TERB1: variants seen among roughly 807,000 people sequenced by gnomAD.
TERB1 encodes the protein telomere repeats-binding bouquet formation protein 1.
A neutral mutation model predicts 92.3 loss-of-function variants in TERB1; 63 were observed. The ratio of observed to expected loss-of-function variants is 0.68; its 90% CI spans 0.56 to 0.84. The LOEUF is 0.84. Among genes scored for constraint, TERB1 ranks in the 40% least tolerant of loss-of-function variants. The pLI is 0.00. For missense variants in TERB1, 709 were observed against 843.7 expected (o/e 0.84, Z 1.98); for synonymous variants, 252 against 283.9 (o/e 0.89, Z 1.13).
chr16:66,769,122 A>G (rs1165103094), intron 14 of TERB1, among the ~76,000 whole-genome samples: 1 of 151,796 alleles, frequency 6.6e-6, no homozygotes, highest in Non-Finnish European at 1.5e-5. Context: ...AAAGAAAAAG[A>G]AAAAGAAAAA....
At chr16:66,765,935 A>G (rs1275005416) in intron 16 of TERB1, among the ~76,000 whole-genome samples, 1 of 122,082 alleles carries the variant, frequency 8.2e-6, no homozygotes, top group Non-Finnish European at 1.6e-5. Flanking sequence ...GCAGTGGCGC[A>G]ATCTCGGCTC....
At chr16:66,774,635 T>A (rs2018513754) in intron 12 of TERB1, among the ~76,000 whole-genome samples, 1 of 151,934 alleles carries the variant, frequency 6.6e-6, no homozygotes, top group Non-Finnish European at 1.5e-5. Context: ...GGTTTGTATA[T>A]GCTGAATATA....
chr16:66,758,060 T>C (rs530751065), intron 18 of TERB1, among the ~76,000 whole-genome samples: 2 of 152,318 alleles, frequency 1.3e-5, no homozygotes, highest in Non-Finnish European at 2.9e-5. Flanking sequence ...AAAATAGAAA[T>C]GTGAGGATAG....
rs374073855 is a variant in TERB1, at chr16:66,786,240, A to T, written c.446T>A (p.Leu149Gln). The T allele has an allele frequency of 3.9e-6, 6 of 1,549,788 alleles. No individual in the cohort carries two copies. In the East Asian group the frequency reaches 9.8e-5, roughly 25 times the overall value. ...LVRETGCITV[L>Q]SRLFRTVISK... ...ATTTGTTTACCTGAATAACCGTGAC[A>T]GAACTGTAATACAACCTGTTTCTCT... Residue 149 changes from leucine to glutamine, a missense_variant, in exon 7 of 19, where the codon CTG (leucine) becomes CAG (glutamine). Leu to Gln is a moderately radical substitution (Grantham distance 113). Coordinates refer to ENST00000433154, the MANE Select transcript of TERB1 (RefSeq NM_001136505.2).
chr16:66,769,607 T>C (rs2018409158), intron 14 of TERB1, among the ~76,000 whole-genome samples: 1 of 152,232 alleles, frequency 6.6e-6, no homozygotes, highest in Admixed American at 6.5e-5. Flanking sequence ...TACTGCTGAT[T>C]ATCAATGCAC....
intron 16 of TERB1, among the ~76,000 whole-genome samples, chr16:66,759,569 G>T (rs1018231129): frequency 6.6e-6 from 1 of 152,100 alleles, no homozygotes; most frequent in Non-Finnish European, 1.5e-5. Context: ...GGAGGCCAAG[G>T]TGGGTGGATC....
chr16:66,778,951 C>T lies in TERB1; in HGVS notation c.765G>A (p.Gln255=), dbSNP rs2145170340. The T allele has an allele frequency of 6.5e-7, 1 of 1,536,510 alleles. No individual in the cohort carries two copies. The highest frequency in any genetic ancestry group is 8.8e-7 in the Non-Finnish European group (1 of 1,134,906). ...GAGTCTCATGTGAATCAGATTCCAGCTGCATGAGAACTTGAGACAATACAT... is the reference window on the plus strand; with the variant it reads ...GAGTCTCATGTGAATCAGATTCCAGTTGCATGAGAACTTGAGACAATACAT... The part of the protein sequence containing the change: ...GLDVLSQVLM[Q]LESDSHETLS... The change falls in exon 10 of 19, where the codon CAG becomes CAA. Residue 255 remains glutamine, a synonymous_variant. Coordinates refer to ENST00000433154, the MANE Select transcript of TERB1 (RefSeq NM_001136505.2).
chr16:66,772,168 A>G (rs2018463900), intron 13 of TERB1, among the ~76,000 whole-genome samples: 1 of 152,152 alleles, frequency 6.6e-6, no homozygotes. Context: ...AAAATTTTTT[A>G]CCCTCCAACC....
At chr16:66,772,971 C>A (rs919197244) in intron 12 of TERB1, among the ~76,000 whole-genome samples, 5 of 152,068 alleles carry the variant, frequency 3.3e-5, no homozygotes, top group African/African-American at 9.7e-5. Flanking sequence ...GGAGAAAAAA[C>A]ATGCAAATAT....
chr16:66,780,617 G>A (rs1217245728), intron 9 of TERB1, among the ~76,000 whole-genome samples: 1 of 151,586 alleles, frequency 6.6e-6, no homozygotes, highest in African/African-American at 2.4e-5. Flanking sequence ...GAAAATGGCA[G>A]TGTGTTACCA....
chr16:66,791,702 G>A (rs2018837636), intron 3 of TERB1, among the ~76,000 whole-genome samples: 1 of 152,056 alleles, frequency 6.6e-6, no homozygotes, highest in Non-Finnish European at 1.5e-5. Context: ...CCTACAGATT[G>A]AACAACTTAG....
chr16:66,769,396 G>A (rs577822386), intron 14 of TERB1, among the ~76,000 whole-genome samples: 2 of 152,210 alleles, frequency 1.3e-5, no homozygotes, highest in South Asian at 4.2e-4. Context: ...CCCAAGTACA[G>A]TAACCAACAG....
At chr16:66,769,103 CAAA>C (rs371537754) in intron 14 of TERB1, among the ~76,000 whole-genome samples, 1 of 130,140 alleles carries the variant, frequency 7.7e-6, no homozygotes. Context: ...GAAACTTTCT[CAAA>C]AAAAAAAAGA....
chr16:66,790,072 GT>G (rs1296793712), intron 5 of TERB1, among the ~76,000 whole-genome samples: 3 of 152,058 alleles, frequency 2.0e-5, no homozygotes, highest in African/African-American at 7.2e-5. Context: ...CAAAACAATG[GT>G]TTATATTCAT....
intron 18 of TERB1, among the ~76,000 whole-genome samples, chr16:66,757,511 A>C (rs913625270): frequency 6.6e-6 from 1 of 152,208 alleles, no homozygotes; most frequent in Non-Finnish European, 1.5e-5. Context: ...TTTTCTAACA[A>C]TTACTATAGA....
chr16:66,791,926 C>A (rs920758316), intron 3 of TERB1, among the ~76,000 whole-genome samples: 4 of 152,050 alleles, frequency 2.6e-5, no homozygotes, highest in Admixed American at 2.6e-4. Flanking sequence ...AGGAATACTT[C>A]CCAACTTATT....
In TERB1 at chr16:66,772,630, T is replaced by C; in HGVS notation, c.1231A>G (p.Ile411Val). ...LEEHWRKAKE[I>V]LHRIEQLERE... ...TCAAGCTGTTCTATTCTGTGTAGAA[T>C]TTCCTTTGCTTTCCTCCAGTGCTCT... Residue 411 changes from isoleucine (I) to valine (V), a missense_variant, in exon 13 of 19, where the codon ATT becomes GTT. Physicochemically the swap from Ile to Val is conservative, Grantham distance 29. Transcript: ENST00000433154. The C allele has an allele frequency of 6.4e-7, 1 of 1,551,652 alleles. No homozygotes were observed. The highest frequency in any genetic ancestry group is 8.7e-7 in the Non-Finnish European group (1 of 1,146,818).
chr16:66,795,441 C>G (rs573507896), intron 3 of TERB1, among the ~76,000 whole-genome samples: 1 of 152,160 alleles, frequency 6.6e-6, no homozygotes, highest in Admixed American at 6.5e-5. Flanking sequence ...CTTCTTTTTC[C>G]TATCTCATTT....
intron 3 of TERB1, 49 bp downstream of exon 3, chr16:66,796,719 C>G: frequency 7.6e-7 from 1 of 1,308,704 alleles, no homozygotes; most frequent in Non-Finnish European, 1.1e-6. Context: ...TACAGTACAT[C>G]CTACCAATAC....
Sources: allele counts gnomAD v4.1 joint callset (sites outside exome capture counted in the v4.1 genomes callset), GRCh38; gene constraint gnomAD v4.1.1; transcripts MANE v1.5; gene names NCBI Gene and HGNC (gene_info 2026-07-23, HGNC 2026-07-21).